Variants in SECISBP2L observed in about 807,000 individuals in gnomAD.
SECISBP2L encodes selenocysteine insertion sequence-binding protein 2-like.
Under a neutral mutation model 114.7 loss-of-function variants are expected in SECISBP2L, and 43 were observed. That is an observed-to-expected ratio of 0.38 (90% confidence interval 0.29 to 0.48). SECISBP2L has a LOEUF of 0.48. Among genes scored for constraint, SECISBP2L ranks in the 20% least tolerant of loss-of-function variants. The probability of loss-of-function intolerance (pLI) is 0.98; values close to 1 mark genes in which losing one functional copy is unlikely to be tolerated. For synonymous variants in SECISBP2L, 451 were observed against 439.7 expected (o/e 1.03, Z -0.32); for missense variants, 1,136 against 1,301.1 (o/e 0.87, Z 1.95).
intron 11 of SECISBP2L, chr15:49,013,023 T>G: frequency 1.9e-6 from 1 of 524,162 alleles, no homozygotes; most frequent in Non-Finnish European, 3.3e-6. Context: ...AATTAACCAA[T>G]TTAGAAGTCC....
chr15:49,027,110 G>A (rs981972208), intron 7 of SECISBP2L, among the ~76,000 whole-genome samples: 3 of 152,164 alleles, frequency 2.0e-5, no homozygotes, highest in Non-Finnish European at 4.4e-5. Context: ...CAGGATTAAA[G>A]GGCATCCTTT....
intron 4 of SECISBP2L, 66 bp downstream of exon 4, chr15:49,032,899 A>G (rs1189222821): frequency 1.0e-5 from 16 of 1,584,608 alleles, no homozygotes; most frequent in South Asian, 3.5e-5. Context: ...TCAGACCACA[A>G]TTATAAAGTG....
intron 6 of SECISBP2L, 48 bp downstream of exon 6, chr15:49,028,096 T>C (rs1175184049): frequency 2.0e-6 from 3 of 1,524,438 alleles, no homozygotes; most frequent in East Asian, 4.6e-5. Context: ...AACTCTGATA[T>C]GGACAAAGTA....
intron 2 of SECISBP2L, among the ~76,000 whole-genome samples, chr15:49,036,844 A>T (rs1903018597): frequency 6.6e-6 from 1 of 152,220 alleles, no homozygotes; most frequent in South Asian, 2.1e-4. Flanking sequence ...GGAAATATTG[A>T]TTGACTCAGC....
Position 49,011,875 on chromosome 15 carries a change from T to TAC in SECISBP2L, c.1732-14_1732-13dup, listed in dbSNP as rs748812070. On this transcript the variant is annotated splice_polypyrimidine_tract_variant and intron_variant, in intron 12 of 17. Transcript: ENST00000559471. ...TCTTTTAAAATAACCTAAAAGTCAT[T>TAC]ACACTAGTCTTTAATTACAGATTAC... The TAC allele has an allele frequency of 1.2e-6, 2 of 1,613,034 alleles. No homozygotes were observed. Among genetic ancestry groups the TAC allele is most frequent in the African/African-American group, 2.7e-5 (2 of 74,882 alleles).
intron 13 of SECISBP2L, among the ~76,000 whole-genome samples, chr15:49,010,315 A>G (rs1595786266): frequency 1.3e-5 from 2 of 150,866 alleles, no homozygotes; most frequent in African/African-American, 4.9e-5. Context: ...TCCAGGTACC[A>G]CCCCGGTCTC....
At chr15:49,014,830 T>C (rs7183756) in intron 11 of SECISBP2L, among the ~76,000 whole-genome samples, 99,702 of 147,864 alleles carry the variant, frequency 0.67, 34,169 homozygotes, top group Middle Eastern at 0.73. Flanking sequence ...ATTAACAGTA[T>C]ATGTATAAAT....
chr15:48,999,605 A>C (rs1159077348), intron 16 of SECISBP2L, among the ~76,000 whole-genome samples: 1 of 152,236 alleles, frequency 6.6e-6, no homozygotes. Context: ...CCACTTTGGC[A>C]GAAATACGAA....
Position 49,000,997 on chromosome 15 carries a change from C to T in SECISBP2L, c.2128G>A (p.Val710Ile), listed in dbSNP as rs11854184. ...AGTCGTCTCCTTGCTTTTGCTCTTA[C>T]AGGATCTTTTTGGTAGATGCGTTCC... is the stretch of plus-strand genomic sequence containing the variant. Reference protein sequence around the residue: ...FQERIYQKDPVRAKARRRLVM... With the variant: ...FQERIYQKDPIRAKARRRLVM... The change falls in exon 15 of 18, where the codon GTA becomes ATA. Residue 710 changes from valine to isoleucine, a missense_variant. Physicochemically the swap from Val to Ile is conservative, Grantham distance 29. Transcript: ENST00000559471. 11 of 1,613,642 alleles carry T rather than the reference C, an allele frequency of 6.8e-6. No homozygotes were observed. The highest frequency in any genetic ancestry group is 8.5e-6 in the Non-Finnish European group (10 of 1,179,802).
chr15:49,007,848 C>G (rs373176549), intron 14 of SECISBP2L, among the ~76,000 whole-genome samples: 2 of 152,044 alleles, frequency 1.3e-5, no homozygotes, highest in African/African-American at 4.8e-5. Flanking sequence ...CCTAGAGCTC[C>G]GAAAATTTAT....
chr15:49,027,578 G>A (rs927841767), intron 6 of SECISBP2L, 98 bp from the exon 7 acceptor site: 2 of 584,370 alleles, frequency 3.4e-6, no homozygotes, highest in South Asian at 3.2e-5. Flanking sequence ...CACTAGAAAT[G>A]TAATAGTGAA....
intron 6 of SECISBP2L, 152 bp from the exon 7 acceptor site, chr15:49,027,632 G>C (rs1902773817): frequency 2.2e-6 from 1 of 445,130 alleles, no homozygotes. Context: ...TTTTGAGACA[G>C]AGTTTCACTC....
Position 49,009,326 on chromosome 15 carries a change from G to C in SECISBP2L, c.1917C>G (p.Asn639Lys). The change falls in exon 14 of 18, where the codon AAC becomes AAG. Residue 639 changes from asparagine to lysine, a missense_variant. Physicochemically the swap from Asn to Lys is moderately conservative, Grantham distance 94 (BLOSUM62 0). Transcript: ENST00000559471. ...SDTSLSPASQ[N>K]SPYCMTPVSQ... ...ACACAGGTGTCATACAGTATGGAGAGTTCTGACTTGCTGGAGAGAGTGAAG... is the reference window on the plus strand; with the variant it reads ...ACACAGGTGTCATACAGTATGGAGACTTCTGACTTGCTGGAGAGAGTGAAG... 6.2e-7 allele frequency: 1 copy of C among 1,614,162 alleles called. No homozygotes were observed. The highest frequency in any genetic ancestry group is 8.5e-7 in the Non-Finnish European group (1 of 1,180,008).
rs1413531148 is a variant in SECISBP2L at position 48,991,606 on chromosome 15, AG to A, written c.*637del. ...CAGCATCTATCACTTTCCACAAATG[AG>A]GCTAGCTAGCTATAATCTAAGATGG... On this transcript the variant is annotated 3_prime_UTR_variant, in exon 18 of 18. Coordinates refer to ENST00000559471, the MANE Select transcript of SECISBP2L (RefSeq NM_001193489.2). 1 of 152,550 alleles carries A rather than the reference AG, an allele frequency of 6.6e-6. No homozygotes were observed. Among genetic ancestry groups the A allele is most frequent in the Non-Finnish European group, 1.5e-5 (1 of 68,056 alleles). 9.4% of individuals were successfully genotyped at this position (152,550 alleles called of 1,614,324 possible).
chr15:49,038,834 A>G (rs73406106), intron 1 of SECISBP2L, among the ~76,000 whole-genome samples: 51 of 152,324 alleles, frequency 3.3e-4, no homozygotes, highest in African/African-American at 1.2e-3. Context: ...GTTTTTAACT[A>G]CTGTAAAAAA....
chr15:49,035,074 T>C (rs1204243370), intron 3 of SECISBP2L, among the ~76,000 whole-genome samples: 3 of 152,242 alleles, frequency 2.0e-5, no homozygotes, highest in Non-Finnish European at 2.9e-5. Context: ...AATTTATTTG[T>C]AAATATTTCT....
rs1255101549 is a variant in SECISBP2L at position 48,988,815 on chromosome 15, T to A, written c.*3429A>T. The A allele has an allele frequency of 4.5e-6, 1 of 222,314 alleles. No individual in the cohort carries two copies. The highest frequency in any genetic ancestry group is 5.1e-5 in the Admixed American group (1 of 19,644). 13.8% of individuals were successfully genotyped at this position (222,314 alleles called of 1,614,324 possible). ...TTTTGCTAGTTTTTTATTAGAGCAT[T>A]ACAATTAAGACATTAAATTATAAAC... On this transcript the variant is annotated 3_prime_UTR_variant, in exon 18 of 18. Transcript: ENST00000559471.
In SECISBP2L at chr15:49,009,318, T is replaced by C. The variant is rs1220002903; in HGVS notation, c.1925A>G (p.Tyr642Cys). 3.7e-6 allele frequency: 6 copies of C among 1,613,962 alleles called. No individual in the cohort carries two copies. The highest frequency in any genetic ancestry group is 2.7e-5 in the African/African-American group (2 of 74,890). The change falls in exon 14 of 18, where the codon TAC becomes TGC. Residue 642 changes from tyrosine to cysteine, a missense_variant. Physicochemically the swap from Tyr to Cys is radical, Grantham distance 194. This residue lies in a region of SECISBP2L where 684 missense variants were observed against 848.7 expected (regional missense o/e 0.81). Transcript: ENST00000559471. ...SLSPASQNSP[Y>C]CMTPVSQGSP... The stretch of plus-strand genomic sequence containing the variant: ...GCCTTGTGACACAGGTGTCATACAG[T>C]ATGGAGAGTTCTGACTTGCTGGAGA...
chr15:49,018,129 T>C (rs1336643422), intron 8 of SECISBP2L, among the ~76,000 whole-genome samples: 3 of 152,204 alleles, frequency 2.0e-5, no homozygotes, highest in East Asian at 1.9e-4. Flanking sequence ...ATAGAACCAA[T>C]AGTACAGTTG....
Sources: allele counts gnomAD v4.1 joint callset (sites outside exome capture counted in the v4.1 genomes callset), GRCh38; gene constraint gnomAD v4.1.1; regional missense constraint gnomAD v4.1.1; transcripts MANE v1.5; gene names NCBI Gene and HGNC (gene_info 2026-07-23, HGNC 2026-07-21).